The following NBEA variants were observed in gnomAD, a reference collection of about 807,000 sequenced individuals.
The protein encoded by NBEA is neurobeachin.
In NBEA, 44 loss-of-function variants were observed where a neutral mutation model predicts 343.4. That is an observed-to-expected ratio of 0.13 (90% confidence interval 0.10 to 0.16). The LOEUF is 0.16. Ranked by LOEUF, NBEA falls within the 10% of genes least tolerant of loss-of-function variation. NBEA has a pLI of 1.00. For missense variants in NBEA, 2,555 were observed against 3,631.3 expected, an observed-to-expected ratio of 0.70 and a Z score of 7.62; for synonymous variants, 1,175 against 1,238.7, an observed-to-expected ratio of 0.95 and a Z score of 1.08.
intron 1 of NBEA, among the ~76,000 whole-genome samples, chr13:34,998,340 A>G (rs1196114751): frequency 6.6e-6 from 1 of 152,180 alleles, no homozygotes; most frequent in Non-Finnish European, 1.5e-5. Flanking sequence ...TTGCTAATGA[A>G]GTTTCAGGCA....
chr13:35,082,747 C>A (rs955175202), intron 10 of NBEA, among the ~76,000 whole-genome samples: 4 of 152,108 alleles, frequency 2.6e-5, no homozygotes, highest in African/African-American at 9.7e-5. Flanking sequence ...TATACTTCTC[C>A]CACTTTTTGA....
At chr13:34,956,337 T>C (rs1165703540) in intron 1 of NBEA, among the ~76,000 whole-genome samples, 1 of 148,954 alleles carries the variant, frequency 6.7e-6, no homozygotes, top group Non-Finnish European at 1.5e-5. Context: ...ATACAAATAA[T>C]CAATTTTTTA....
At chr13:35,151,414 A>G (rs2068777754) in intron 18 of NBEA, among the ~76,000 whole-genome samples, 1 of 151,812 alleles carries the variant, frequency 6.6e-6, no homozygotes, top group African/African-American at 2.4e-5. Context: ...GTGGTGGCGC[A>G]TGCCTGTAAT....
chr13:35,575,309 G>C (rs1035181877), intron 45 of NBEA, among the ~76,000 whole-genome samples: 2 of 152,068 alleles, frequency 1.3e-5, no homozygotes, highest in African/African-American at 4.8e-5. Flanking sequence ...AATTGCAAAG[G>C]GAATGTTTAA....
At chr13:35,244,572 G>A (rs908973494) in intron 34 of NBEA, among the ~76,000 whole-genome samples, 1 of 151,844 alleles carries the variant, frequency 6.6e-6, no homozygotes, top group African/African-American at 2.4e-5. Flanking sequence ...GTTCCTTTTC[G>A]ATTAGTCTTG....
chr13:35,500,313 C>T (rs914005029), intron 41 of NBEA, among the ~76,000 whole-genome samples: 1 of 152,054 alleles, frequency 6.6e-6, no homozygotes, highest in African/African-American at 2.4e-5. Context: ...TTCATGTTTG[C>T]ATCATTAGCC....
At chr13:35,595,756 A>G (rs957232061) in intron 47 of NBEA, among the ~76,000 whole-genome samples, 6 of 151,950 alleles carry the variant, frequency 3.9e-5, no homozygotes, top group African/African-American at 1.5e-4. Context: ...ATGAAAATTC[A>G]CTCTCTACAG....
Position 35,159,751 on chromosome 13 carries a change from G to A in NBEA, c.3580G>A (p.Val1194Ile), listed in dbSNP as rs748472472. Residue 1194 changes from valine (V) to isoleucine (I), a missense_variant, in exon 22 of 59, where the codon GTA (valine) becomes ATA (isoleucine). Physicochemically the swap from Val to Ile is conservative, Grantham distance 29 (BLOSUM62 3). Coordinates refer to ENST00000379939, the MANE Select transcript of NBEA (RefSeq NM_001385012.1). ...ATTGCTTGCTCACATGACCGGTAGC[G>A]TAGACTTAACTTGTACATCCAGTAT... The part of the protein sequence containing the change: ...LGLLAHMTGS[V>I]DLTCTSSIIE... 3.2e-5 allele frequency: 51 copies of A among 1,613,094 alleles called. No homozygotes were observed. Among genetic ancestry groups the A allele is most frequent in the East Asian group, 1.3e-4 (6 of 44,780 alleles).
At chr13:35,089,574 GACTATAAATCATGCT>G (rs1566268341) in intron 10 of NBEA, among the ~76,000 whole-genome samples, 1 of 119,046 alleles carries the variant, frequency 8.4e-6, no homozygotes, top group Non-Finnish European at 1.7e-5. Flanking sequence ...ATACCCAAAG[GACTATAAATCATGCT>G]GCTATAAAGA....
At chr13:35,387,912 T>C (rs1051635244) in intron 38 of NBEA, among the ~76,000 whole-genome samples, 5 of 152,164 alleles carry the variant, frequency 3.3e-5, no homozygotes, top group African/African-American at 7.2e-5. Flanking sequence ...CAAGGAGATA[T>C]AGTAATCATC....
intron 10 of NBEA, among the ~76,000 whole-genome samples, chr13:35,081,488 T>C (rs2064394293): frequency 6.6e-6 from 1 of 152,028 alleles, no homozygotes; most frequent in African/African-American, 2.4e-5. Flanking sequence ...ACAAACAAAT[T>C]CAATCTAAAT....
At chr13:35,444,433 GTATT>G (rs2045891746) in intron 39 of NBEA, among the ~76,000 whole-genome samples, 1 of 151,920 alleles carries the variant, frequency 6.6e-6, no homozygotes, top group African/African-American at 2.4e-5. Context: ...ACTTTAAAAA[GTATT>G]TAGGTTTGGA....
chr13:35,482,228 G>A (rs1041176952), intron 41 of NBEA, among the ~76,000 whole-genome samples: 2 of 150,970 alleles, frequency 1.3e-5, no homozygotes, highest in East Asian at 1.9e-4. Flanking sequence ...AATAGAAAAC[G>A]ATTACCTTTT....
At chr13:35,080,452 A>G (rs1371353711) in intron 10 of NBEA, among the ~76,000 whole-genome samples, 1 of 152,196 alleles carries the variant, frequency 6.6e-6, no homozygotes, top group Non-Finnish European at 1.5e-5. Flanking sequence ...AGAGGTTATG[A>G]GCAAAACCTC....
At chr13:35,587,512 G>A (rs76010743) in intron 46 of NBEA, among the ~76,000 whole-genome samples, 5,662 of 152,234 alleles carry the variant, frequency 0.037, 148 homozygotes, top group Non-Finnish European at 0.053. Flanking sequence ...CTTTGGGGAT[G>A]AGGAAAAAGG....
At chr13:35,391,245 A>C (rs1273139505) in intron 38 of NBEA, among the ~76,000 whole-genome samples, 1 of 151,594 alleles carries the variant, frequency 6.6e-6, no homozygotes, top group Admixed American at 6.6e-5. Context: ...ACTGCATTCC[A>C]GCCTGGGTGA....
intron 8 of NBEA, among the ~76,000 whole-genome samples, chr13:35,067,725 A>G (rs1358138292): frequency 2.0e-5 from 3 of 152,086 alleles, no homozygotes; most frequent in African/African-American, 7.2e-5. Flanking sequence ...ACTTTTATGT[A>G]AAATATTTTC....
chr13:35,606,448 A>G lies in NBEA; in HGVS notation c.7319A>G (p.Tyr2440Cys), dbSNP rs752058603. Reference protein sequence around the residue: ...DVKELIPEFYYLPEMFVNSNG... With the variant: ...DVKELIPEFYCLPEMFVNSNG... ...TAGGAACTAATTCCAGAGTTCTACT[A>G]CCTACCAGAGATGTTTGTCAACAGT... The change falls in exon 48 of 59, where the codon TAC becomes TGC. Residue 2440 changes from tyrosine to cysteine, a missense_variant. Physicochemically the swap from Tyr to Cys is radical, Grantham distance 194. Around this residue, in one of 21 missense-constraint regions of NBEA, gnomAD observed 156 missense variants for 185.8 expected, o/e 0.84. Coordinates refer to ENST00000379939, the MANE Select transcript of NBEA (RefSeq NM_001385012.1). 3 of 1,554,378 alleles carry G rather than the reference A, an allele frequency of 1.9e-6. No individual in the cohort carries two copies. Among genetic ancestry groups the G allele is most frequent in the Non-Finnish European group, 1.7e-6 (2 of 1,145,732 alleles).
chr13:35,466,598 G>A (rs989882095), intron 40 of NBEA, among the ~76,000 whole-genome samples: 2 of 152,138 alleles, frequency 1.3e-5, no homozygotes, highest in Admixed American at 1.3e-4. Flanking sequence ...TTCCTAGGTA[G>A]CCAGGACAAT....
Sources: allele counts gnomAD v4.1 joint callset (sites outside exome capture counted in the v4.1 genomes callset), GRCh38; gene constraint gnomAD v4.1.1; regional missense constraint gnomAD v4.1.1; transcripts MANE v1.5; gene names NCBI Gene and HGNC (gene_info 2026-07-23, HGNC 2026-07-21).